CSMD3: variants seen among roughly 807,000 people sequenced by gnomAD.
The protein encoded by CSMD3 is CUB and sushi domain-containing protein 3.
Under a neutral mutation model 435.2 loss-of-function variants are expected in CSMD3, and 177 were observed. The ratio of observed to expected loss-of-function variants is 0.41; its 90% CI spans 0.36 to 0.46. CSMD3 has a LOEUF of 0.46. Among genes scored for constraint, CSMD3 ranks in the 20% least tolerant of loss-of-function variants. The pLI, the probability that CSMD3 is intolerant of heterozygous loss-of-function variation, is 0.34. For missense variants in CSMD3, 4,265 were observed against 4,504.6 expected (o/e 0.95, Z 1.52); for synonymous variants, 1,656 against 1,520.5 (o/e 1.09, Z -2.07).
chr8:112,237,580 A>T (rs1480920848), intron 66 of CSMD3, among the ~76,000 whole-genome samples: 1 of 152,124 alleles, frequency 6.6e-6, no homozygotes, highest in Non-Finnish European at 1.5e-5. Context: ...AATAGAAAAC[A>T]CCAGTTAAAG....
At chr8:112,640,130 G>T (rs768409556) in intron 20 of CSMD3, among the ~76,000 whole-genome samples, 1 of 151,906 alleles carries the variant, frequency 6.6e-6, no homozygotes, top group Non-Finnish European at 1.5e-5. Flanking sequence ...ACTCCTTGTG[G>T]TATCACGTTA....
chr8:112,679,760 CA>C (rs1302517722), intron 16 of CSMD3, among the ~76,000 whole-genome samples: 1 of 152,112 alleles, frequency 6.6e-6, no homozygotes, highest in Non-Finnish European at 1.5e-5. Flanking sequence ...GAGGATCCAA[CA>C]AAATTCAAAC....
At chr8:112,710,883 T>G (rs541946166) in intron 13 of CSMD3, among the ~76,000 whole-genome samples, 2 of 151,460 alleles carry the variant, frequency 1.3e-5, no homozygotes, top group Admixed American at 6.6e-5. Flanking sequence ...TCTGCTTCCC[T>G]TTCTGGTACT....
chr8:113,345,832 G>A (rs940702592), intron 1 of CSMD3, among the ~76,000 whole-genome samples: 16 of 152,062 alleles, frequency 1.1e-4, no homozygotes. Flanking sequence ...AGGTTATACA[G>A]CTTTAAAATG....
chr8:112,500,748 G>A (rs923183102), intron 30 of CSMD3, among the ~76,000 whole-genome samples: 1 of 152,166 alleles, frequency 6.6e-6, no homozygotes, highest in African/African-American at 2.4e-5. Flanking sequence ...CCAGAAGCTT[G>A]CACAGGTGAA....
At chr8:113,337,279 T>G (rs763446318) in intron 1 of CSMD3, among the ~76,000 whole-genome samples, 33 of 152,046 alleles carry the variant, frequency 2.2e-4, no homozygotes, top group Non-Finnish European at 4.3e-4. Flanking sequence ...ACATAGAGGG[T>G]TTTTAGTTGT....
At chr8:113,315,839 C>T (rs539103855) in intron 1 of CSMD3, among the ~76,000 whole-genome samples, 2 of 151,814 alleles carry the variant, frequency 1.3e-5, no homozygotes, top group African/African-American at 4.8e-5. Context: ...CAGCCTCAAC[C>T]TCCCAAGTAG....
At chr8:113,214,673 T>C (rs536300217) in intron 3 of CSMD3, among the ~76,000 whole-genome samples, 1 of 151,986 alleles carries the variant, frequency 6.6e-6, no homozygotes, top group East Asian at 1.9e-4. Flanking sequence ...ATGAAACAAC[T>C]TGACTCTGAA....
intron 30 of CSMD3, among the ~76,000 whole-genome samples, chr8:112,495,745 T>C (rs1239028651): frequency 1.3e-5 from 2 of 152,112 alleles, no homozygotes; most frequent in Non-Finnish European, 2.9e-5. Flanking sequence ...TTATGCATAA[T>C]TAATTTTTTC....
At chr8:113,436,039 T>C (rs2094704069) in intron 1 of CSMD3, among the ~76,000 whole-genome samples, 1 of 152,134 alleles carries the variant, frequency 6.6e-6, no homozygotes, top group African/African-American at 2.4e-5. Context: ...GGTGGTTCTT[T>C]ACACTTCATG....
At chr8:112,495,651 T>TA (rs1305863926) in intron 30 of CSMD3, among the ~76,000 whole-genome samples, 2 of 152,088 alleles carry the variant, frequency 1.3e-5, no homozygotes, top group Non-Finnish European at 1.5e-5. Context: ...GGAGAATACT[T>TA]AAAAAAATGT....
chr8:113,424,231 C>T (rs2094623222), intron 1 of CSMD3, among the ~76,000 whole-genome samples: 1 of 151,654 alleles, frequency 6.6e-6, no homozygotes, highest in Non-Finnish European at 1.5e-5. Flanking sequence ...ATAGATCATT[C>T]TACCAAACTC....
chr8:113,170,981 T>C (rs1227793578), intron 4 of CSMD3, among the ~76,000 whole-genome samples: 2 of 151,640 alleles, frequency 1.3e-5, no homozygotes, highest in Non-Finnish European at 2.9e-5. Context: ...TAGCAGAGTT[T>C]AACCCTGAAA....
At chr8:112,989,410 G>A (rs1341524629) in intron 6 of CSMD3, among the ~76,000 whole-genome samples, 1 of 151,728 alleles carries the variant, frequency 6.6e-6, no homozygotes, top group Non-Finnish European at 1.5e-5. Flanking sequence ...CTTATTTTTA[G>A]CCAAGATAAT....
chr8:113,151,000 A>T (rs1038071684), intron 4 of CSMD3, among the ~76,000 whole-genome samples: 10 of 152,030 alleles, frequency 6.6e-5, no homozygotes, highest in Non-Finnish European at 1.2e-4. Flanking sequence ...CAGGGAATTT[A>T]GCACATAAAA....
At chr8:113,229,781 C>T (rs1272577047) in intron 3 of CSMD3, among the ~76,000 whole-genome samples, 4 of 151,708 alleles carry the variant, frequency 2.6e-5, no homozygotes, top group East Asian at 1.9e-4. Context: ...CATGTTTTCT[C>T]GGCCTAAAAT....
chr8:112,546,128 A>C (rs1460086767), intron 27 of CSMD3, among the ~76,000 whole-genome samples: 1 of 152,224 alleles, frequency 6.6e-6, no homozygotes, highest in Non-Finnish European at 1.5e-5. Flanking sequence ...TCCTTTCAGG[A>C]CAATTTAATT....
chr8:113,123,356 A>G (rs1369955818), intron 4 of CSMD3, among the ~76,000 whole-genome samples: 3 of 152,108 alleles, frequency 2.0e-5, no homozygotes, highest in South Asian at 2.1e-4. Context: ...TGCTTTATCA[A>G]TATCAACTAA....
intron 13 of CSMD3, among the ~76,000 whole-genome samples, chr8:112,708,857 C>T (rs1004823520): frequency 6.6e-6 from 1 of 151,972 alleles, no homozygotes; most frequent in African/African-American, 2.4e-5. Flanking sequence ...TAGGATCAAT[C>T]AAGAAAGCCA....
Sources: gnomAD v4.1 joint callset for allele counts (sites outside exome capture counted in the v4.1 genomes callset) on GRCh38, gnomAD v4.1.1 for gene constraint, MANE v1.5 for transcripts, NCBI Gene and HGNC (gene_info 2026-07-23, HGNC 2026-07-21) for gene names.